The following FAM171B variants were observed in gnomAD, a reference collection of about 807,000 sequenced individuals.
FAM171B encodes the protein protein FAM171B.
In FAM171B, 19 loss-of-function variants were observed where a neutral mutation model predicts 75.6. The ratio of observed to expected loss-of-function variants is 0.25; its 90% CI spans 0.18 to 0.37. The LOEUF (loss-of-function observed/expected upper bound fraction) is 0.37. FAM171B is among the 10% of genes least tolerant of loss of function. The pLI is 1.00. For missense variants in FAM171B, 848 were observed against 982.4 expected (o/e 0.86, Z 1.83); for synonymous variants, 367 against 361.7 (o/e 1.01, Z -0.17).
At position 186,762,546 on chromosome 2, in the gene FAM171B, T is replaced by C. The variant is rs938710694; in HGVS notation, c.2204T>C (p.Ile735Thr). 6 of 1,613,264 alleles carry C rather than the reference T, an allele frequency of 3.7e-6. No homozygotes were observed. The African/African-American group carries it at 8.0e-5, about 22-fold the overall frequency. Residue 735 changes from isoleucine to threonine, a missense_variant, in exon 8 of 8, where the codon ATC becomes ACC. Transcript: ENST00000304698. The surrounding 1 kb of genome is among the most constrained non-coding windows in gnomAD (Gnocchi z 4.0). The stretch of plus-strand genomic sequence containing the variant: ...ATCAAAAGCATGCATCAGCCCAAGA[T>C]CCTTTACTTAGAAGATTTAGACCTA... ...TFIKSMHQPK[I>T]LYLEDLDLSS...
intron 3 of FAM171B, 141 bp from the exon 4 acceptor site, chr2:186,746,951 A>G (rs1690373106): frequency 1.6e-6 from 1 of 619,062 alleles, no homozygotes; most frequent in Non-Finnish European, 2.7e-6. Flanking sequence ...TTAGTTCTGC[A>G]TTTAAAATAA....
intron 1 of FAM171B, among the ~76,000 whole-genome samples, chr2:186,708,960 T>A (rs1689771919): frequency 6.6e-6 from 1 of 151,110 alleles, no homozygotes; most frequent in Admixed American, 6.6e-5. Context: ...AGAAAGGAGG[T>A]TTAATTGGCT....
chr2:186,753,122 T>C (rs1225062963), intron 5 of FAM171B, among the ~76,000 whole-genome samples: 2 of 152,180 alleles, frequency 1.3e-5, no homozygotes, highest in Admixed American at 6.6e-5. Flanking sequence ...ATGATTTTTC[T>C]AAGTATGTCT....
At chr2:186,745,202 TAAGAATTAC>T (rs1311832479) in intron 3 of FAM171B, among the ~76,000 whole-genome samples, 1 of 152,142 alleles carries the variant, frequency 6.6e-6, no homozygotes, top group Non-Finnish European at 1.5e-5. Context: ...GGAAAGTAAA[TAAGAATTAC>T]AAGTATACAG....
intron 1 of FAM171B, among the ~76,000 whole-genome samples, chr2:186,736,827 T>C (rs1200821182): frequency 6.6e-6 from 1 of 152,084 alleles, no homozygotes; most frequent in Non-Finnish European, 1.5e-5. Flanking sequence ...ATATTGAGGC[T>C]CAGTCAACAT....
intron 5 of FAM171B, among the ~76,000 whole-genome samples, chr2:186,752,217 G>C (rs1690466198): frequency 6.6e-6 from 1 of 152,140 alleles, no homozygotes; most frequent in African/African-American, 2.4e-5. Context: ...CCTGCAAATT[G>C]AATGCACAGA....
chr2:186,715,036 T>C (rs1474563443), intron 1 of FAM171B, among the ~76,000 whole-genome samples: 1 of 152,172 alleles, frequency 6.6e-6, no homozygotes, highest in African/African-American at 2.4e-5. Flanking sequence ...TTAAAAAATA[T>C]GATATGCTGA....
chr2:186,747,256 A>G lies in FAM171B; in HGVS notation c.724+6A>G. ...AATTACTCTCAATAAACCAGGTATT[A>G]TCTACTTTTTGTATAATATAGTTAT... On this transcript the variant is annotated splice_donor_region_variant and intron_variant, in intron 4 of 7. Coordinates refer to ENST00000304698, the MANE Select transcript of FAM171B (RefSeq NM_177454.4). 3 of 1,563,996 alleles carry G rather than the reference A, an allele frequency of 1.9e-6. No homozygotes were observed. The highest frequency in any genetic ancestry group is 2.6e-6 in the Non-Finnish European group (3 of 1,159,758).
intron 3 of FAM171B, among the ~76,000 whole-genome samples, chr2:186,745,333 T>A (rs1236565198): frequency 1.3e-5 from 2 of 152,208 alleles, no homozygotes; most frequent in African/African-American, 2.4e-5. Flanking sequence ...TCAAACCCCA[T>A]TAACAATCAT....
At chr2:186,760,053 C>T (rs1574115190) in intron 6 of FAM171B, among the ~76,000 whole-genome samples, 1 of 152,182 alleles carries the variant, frequency 6.6e-6, no homozygotes, top group East Asian at 1.9e-4. Context: ...GTCCTTTCCC[C>T]AATATATGTT....
At chr2:186,739,434 CA>C (rs1160305522) in intron 1 of FAM171B, among the ~76,000 whole-genome samples, 2 of 152,074 alleles carry the variant, frequency 1.3e-5, no homozygotes, top group Non-Finnish European at 2.9e-5. Flanking sequence ...TACAACTGTA[CA>C]AATTTTTTTC....
chr2:186,754,013 G>A lies in FAM171B; in HGVS notation c.976G>A (p.Gly326Arg). The A allele has an allele frequency of 6.2e-7, 1 of 1,611,432 alleles. No homozygotes were observed. Among genetic ancestry groups the A allele is most frequent in the Non-Finnish European group, 8.5e-7 (1 of 1,179,056 alleles). Reference protein sequence around the residue: ...LIWTYDAPHLGYWIAAPLPGT... With the variant: ...LIWTYDAPHLRYWIAAPLPGT... ...CTGGACATATGATGCACCACATTTG[G>A]GGTACTGGATAGCAGCTCCACTTCC... Residue 326 changes from glycine (G) to arginine (R), a missense_variant, in exon 6 of 8, where the codon GGG becomes AGG. Physicochemically the swap from Gly to Arg is moderately radical, Grantham distance 125. This residue lies in a region of FAM171B where 665 missense variants were observed against 729.0 expected (regional missense o/e 0.91). Transcript: ENST00000304698.
chr2:186,761,827 A>T lies in FAM171B; in HGVS notation c.1485A>T (p.Lys495Asn), dbSNP rs1405260631. The T allele has an allele frequency of 1.2e-6, 2 of 1,613,248 alleles. No individual in the cohort carries two copies. Among genetic ancestry groups the T allele is most frequent in the Non-Finnish European group, 1.7e-6 (2 of 1,179,758 alleles). The change falls in exon 8 of 8, where the codon AAA (lysine) becomes AAT (asparagine). Residue 495 changes from lysine (K) to asparagine (N), a missense_variant. Physicochemically the swap from Lys to Asn is moderately conservative, Grantham distance 94 (BLOSUM62 0). Transcript: ENST00000304698. ...CCAATGTAGGGTCCAAACAACCTAAACATATTAACAACAATCTATCTTCAT... is the reference window on the plus strand; with the variant it reads ...CCAATGTAGGGTCCAAACAACCTAATCATATTAACAACAATCTATCTTCAT... Reference protein sequence around the residue: ...LEPNVGSKQPKHINNNLSSSL... With the variant: ...LEPNVGSKQPNHINNNLSSSL...
chr2:186,748,226 T>C (rs1333592783), intron 4 of FAM171B, among the ~76,000 whole-genome samples: 1 of 151,998 alleles, frequency 6.6e-6, no homozygotes, highest in Non-Finnish European at 1.5e-5. Context: ...CCAGGCCTGT[T>C]CTACCATTTT....
rs1282254887 is a variant in FAM171B at position 186,763,510 on chromosome 2, AT to A, written c.*689del. 6.6e-6 allele frequency: 1 copy of A among 152,092 alleles called. No homozygotes were observed. The highest frequency in any genetic ancestry group is 1.5e-5 in the Non-Finnish European group (1 of 67,976). 9.4% of individuals were successfully genotyped at this position (152,092 alleles called of 1,614,324 possible). On this transcript the variant is annotated 3_prime_UTR_variant, in exon 8 of 8. Transcript: ENST00000304698. ...AGATGTTAATTTAGAAATTTGAGAA[AT>A]TAATGCTCTAATACTGAGTTTTTAT...
At chr2:186,729,735 G>A (rs1690086339) in intron 1 of FAM171B, among the ~76,000 whole-genome samples, 1 of 152,104 alleles carries the variant, frequency 6.6e-6, no homozygotes, top group Non-Finnish European at 1.5e-5. Context: ...GACAAACCAA[G>A]TTTGAGGATG....
intron 3 of FAM171B, among the ~76,000 whole-genome samples, chr2:186,746,339 AC>A (rs1690364681): frequency 1.3e-5 from 2 of 152,208 alleles, no homozygotes; most frequent in African/African-American, 4.8e-5. Flanking sequence ...AGAGAAACTT[AC>A]CCACTTAAGT....
chr2:186,713,417 G>A (rs1040627618), intron 1 of FAM171B, among the ~76,000 whole-genome samples: 1 of 152,184 alleles, frequency 6.6e-6, no homozygotes, highest in African/African-American at 2.4e-5. Context: ...GTTATTGTAA[G>A]TATTAGAGAT....
intron 1 of FAM171B, among the ~76,000 whole-genome samples, chr2:186,711,552 T>C (rs1432937263): frequency 2.0e-5 from 3 of 151,912 alleles, no homozygotes; most frequent in Non-Finnish European, 4.4e-5. Context: ...AGAAATGGAG[T>C]TCCTGGTTCC....
Sources: gnomAD v4.1 joint callset for allele counts (sites outside exome capture counted in the v4.1 genomes callset) on GRCh38, gnomAD v4.1.1 for gene constraint, gnomAD v4.1.1 regional missense constraint, Gnocchi (gnomAD v3.1) non-coding constraint, MANE v1.5 for transcripts, NCBI Gene and HGNC (gene_info 2026-07-23, HGNC 2026-07-21) for gene names.